The following SEL1L2 variants were observed in gnomAD, a reference collection of about 807,000 sequenced individuals.
SEL1L2 encodes the protein protein sel-1 homolog 2.
SEL1L2 carries 89 observed loss-of-function variants against 98.8 expected under a neutral mutation model. That is an observed-to-expected ratio of 0.90 (90% CI 0.76 to 1.07). The LOEUF (loss-of-function observed/expected upper bound fraction) is 1.07. Among genes scored for constraint, SEL1L2 ranks in the 50% least tolerant of loss-of-function variants. The pLI is 0.00. For missense variants in SEL1L2, 788 were observed against 812.0 expected, an observed-to-expected ratio of 0.97 and a Z score of 0.36; for synonymous variants, 262 against 278.5, an observed-to-expected ratio of 0.94 and a Z score of 0.59.
intron 15 of SEL1L2, among the ~76,000 whole-genome samples, chr20:13,866,105 C>T (rs1990991023): frequency 6.6e-6 from 1 of 152,078 alleles, no homozygotes; most frequent in Non-Finnish European, 1.5e-5. Flanking sequence ...AAAGATAGAT[C>T]ATTAGCTGGC....
At chr20:13,985,167 C>A (rs2052101322) in intron 1 of SEL1L2, among the ~76,000 whole-genome samples, 1 of 152,050 alleles carries the variant, frequency 6.6e-6, no homozygotes. Flanking sequence ...AGGCATAATT[C>A]TATTCATGTT....
intron 1 of SEL1L2, among the ~76,000 whole-genome samples, chr20:13,976,772 A>C (rs573513234): frequency 6.6e-6 from 1 of 152,358 alleles, no homozygotes; most frequent in East Asian, 1.9e-4. Context: ...TACTAAAATG[A>C]GATTTTAAAT....
intron 1 of SEL1L2, among the ~76,000 whole-genome samples, chr20:13,975,891 T>A (rs1031461519): frequency 1.3e-5 from 2 of 152,226 alleles, no homozygotes; most frequent in South Asian, 4.1e-4. Flanking sequence ...TCTTACTATG[T>A]TGTCCGGGCT....
At chr20:13,868,771 C>T (rs2046043775) in intron 14 of SEL1L2, among the ~76,000 whole-genome samples, 1 of 151,976 alleles carries the variant, frequency 6.6e-6, no homozygotes, top group South Asian at 2.1e-4. Flanking sequence ...CCATGCCAGG[C>T]TAATTTTTGT....
At chr20:13,946,656 G>T (rs2050025234) in intron 2 of SEL1L2, among the ~76,000 whole-genome samples, 2 of 152,220 alleles carry the variant, frequency 1.3e-5, no homozygotes. Context: ...CCAGGTGGGA[G>T]CCCCACCTTC....
At chr20:13,880,911 A>G (rs1323421983) in intron 10 of SEL1L2, among the ~76,000 whole-genome samples, 2 of 152,128 alleles carry the variant, frequency 1.3e-5, no homozygotes, top group African/African-American at 4.8e-5. Context: ...AATGATCATG[A>G]TTTTTCATTG....
chr20:13,938,467 T>C (rs1216320783), intron 2 of SEL1L2, among the ~76,000 whole-genome samples: 1 of 152,218 alleles, frequency 6.6e-6, no homozygotes, highest in African/African-American at 2.4e-5. Flanking sequence ...ATTGTTTTGT[T>C]TGGATGAAAA....
chr20:13,978,629 A>G (rs2051658945), intron 1 of SEL1L2, among the ~76,000 whole-genome samples: 2 of 152,228 alleles, frequency 1.3e-5, no homozygotes. Context: ...TTGCAGCACT[A>G]TTCACAATAA....
chr20:13,945,888 C>A (rs1265433342), intron 2 of SEL1L2, among the ~76,000 whole-genome samples: 1 of 152,000 alleles, frequency 6.6e-6, no homozygotes, highest in Non-Finnish European at 1.5e-5. Context: ...ATTTGACATG[C>A]TTTTGTGATA....
At chr20:13,931,057 T>C (rs1226569606) in intron 3 of SEL1L2, among the ~76,000 whole-genome samples, 1 of 151,786 alleles carries the variant, frequency 6.6e-6, no homozygotes, top group East Asian at 2.0e-4. Context: ...TATTTTTTTT[T>C]TTTTTTGACG....
chr20:13,864,761 A>G (rs543713576), intron 17 of SEL1L2, among the ~76,000 whole-genome samples: 12 of 152,330 alleles, frequency 7.9e-5, no homozygotes, highest in Non-Finnish European at 1.2e-4. Context: ...TGAGCCTTAG[A>G]TACATACATA....
intron 3 of SEL1L2, among the ~76,000 whole-genome samples, chr20:13,929,437 T>G (rs529345275): frequency 7.2e-6 from 1 of 139,306 alleles, no homozygotes; most frequent in African/African-American, 2.7e-5. Context: ...CCATCTAATC[T>G]CCCCTGTCTG....
intron 1 of SEL1L2, among the ~76,000 whole-genome samples, chr20:13,969,672 T>C (rs1286223195): frequency 6.6e-6 from 1 of 152,190 alleles, no homozygotes; most frequent in Non-Finnish European, 1.5e-5. Context: ...CTCACACCCA[T>C]GTATTTTACT....
At chr20:13,915,196 C>A in intron 4 of SEL1L2, 2 of 1,289,450 alleles carry the variant, frequency 1.6e-6, no homozygotes, top group South Asian at 1.2e-5. Flanking sequence ...GTAGTCCAGG[C>A]AAGAAGGACC....
At chr20:13,980,217 A>G (rs1162970673) in intron 1 of SEL1L2, among the ~76,000 whole-genome samples, 2 of 152,134 alleles carry the variant, frequency 1.3e-5, no homozygotes, top group Non-Finnish European at 2.9e-5. Context: ...GATGTGGAGA[A>G]AAGGGAAATC....
chr20:13,971,342 TC>T, intron 1 of SEL1L2, among the ~76,000 whole-genome samples: 1 of 152,366 alleles, frequency 6.6e-6, no homozygotes, highest in Admixed American at 6.5e-5. Context: ...AAGAAGGTTT[TC>T]TTACCAAGCA....
chr20:13,851,805 T>C (rs1289762569), intron 18 of SEL1L2, among the ~76,000 whole-genome samples: 2 of 151,904 alleles, frequency 1.3e-5, no homozygotes, highest in Non-Finnish European at 2.9e-5. Flanking sequence ...CTCCATTACT[T>C]AGGCTTTGAT....
At chr20:13,934,775 G>T (rs1600819133) in intron 2 of SEL1L2, among the ~76,000 whole-genome samples, 1 of 149,932 alleles carries the variant, frequency 6.7e-6, no homozygotes. Flanking sequence ...GCCAACATCT[G>T]TTTTTTTTTA....
At chr20:13,896,564 A>G (rs1326997446) in intron 5 of SEL1L2, among the ~76,000 whole-genome samples, 1 of 152,046 alleles carries the variant, frequency 6.6e-6, no homozygotes, top group Non-Finnish European at 1.5e-5. Context: ...TGCAGGACAC[A>G]AAAACAACAT....
Sources: allele counts gnomAD v4.1 joint callset (sites outside exome capture counted in the v4.1 genomes callset), GRCh38; gene constraint gnomAD v4.1.1; transcripts MANE v1.5; gene names NCBI Gene and HGNC (gene_info 2026-07-23, HGNC 2026-07-21).